BRD7: variants seen among roughly 807,000 people sequenced by gnomAD.
BRD7 encodes bromodomain-containing protein 7.
Under a neutral mutation model 82.1 loss-of-function variants are expected in BRD7, and 15 were observed. The observed-to-expected ratio is 0.18, with a 90% confidence interval of 0.12 to 0.28. BRD7 has a LOEUF of 0.28. Ranked by LOEUF, BRD7 falls within the 10% of genes least tolerant of loss-of-function variation. The pLI, the probability that BRD7 is intolerant of heterozygous loss-of-function variation, is 1.00. For missense variants in BRD7, 638 were observed against 779.9 expected (o/e 0.82, Z 2.17); for synonymous variants, 232 against 266.9 (o/e 0.87, Z 1.27).
intron 4 of BRD7, among the ~76,000 whole-genome samples, chr16:50,350,427 A>T (rs537908684): frequency 6.6e-6 from 1 of 152,324 alleles, no homozygotes; most frequent in East Asian, 1.9e-4. Context: ...AGCTACACTT[A>T]TACAGGAAAA....
At chr16:50,337,001 GACACA>G in intron 6 of BRD7, among the ~76,000 whole-genome samples, 1 of 152,094 alleles carries the variant, frequency 6.6e-6, no homozygotes. Flanking sequence ...CCATGTGCCA[GACACA>G]ACTCCATGAG....
At chr16:50,345,283 A>G (rs1306519543) in intron 5 of BRD7, among the ~76,000 whole-genome samples, 7 of 152,246 alleles carry the variant, frequency 4.6e-5, no homozygotes, top group Admixed American at 1.3e-4. Context: ...AAACGTGGAA[A>G]GGAATAACCA....
chr16:50,342,045 G>A (rs1371378245), intron 5 of BRD7, among the ~76,000 whole-genome samples: 1 of 151,456 alleles, frequency 6.6e-6, no homozygotes, highest in Non-Finnish European at 1.5e-5. Flanking sequence ...AAGTGGCAAC[G>A]TAGAAATTCT....
At chr16:50,352,701 GTTTT>G (rs34714781) in intron 4 of BRD7, among the ~76,000 whole-genome samples, 1 of 127,628 alleles carries the variant, frequency 7.8e-6, no homozygotes, top group African/African-American at 3.1e-5. Context: ...TGCCAGCTTT[GTTTT>G]TTTTTTTTTT....
At chr16:50,340,853 G>A (rs1368808732) in intron 5 of BRD7, among the ~76,000 whole-genome samples, 1 of 152,062 alleles carries the variant, frequency 6.6e-6, no homozygotes, top group African/African-American at 2.4e-5. Context: ...ATCTATAAAT[G>A]TGCGATTCAT....
intron 5 of BRD7, among the ~76,000 whole-genome samples, chr16:50,340,294 T>C (rs757653099): frequency 1.4e-4 from 21 of 152,212 alleles, no homozygotes; most frequent in Non-Finnish European, 2.1e-4. Flanking sequence ...GCTATATTAT[T>C]TCCCAAATTC....
intron 6 of BRD7, among the ~76,000 whole-genome samples, chr16:50,337,672 C>A (rs908202878): frequency 2.0e-5 from 3 of 152,100 alleles, no homozygotes; most frequent in Admixed American, 1.3e-4. Context: ...CATTCAAAAA[C>A]AGTTATCTTT....
chr16:50,361,029 T>C (rs2038916385), intron 2 of BRD7, among the ~76,000 whole-genome samples: 1 of 152,118 alleles, frequency 6.6e-6, no homozygotes, highest in South Asian at 2.1e-4. Context: ...GATTAGTCAC[T>C]GCTCCTCTCT....
intron 2 of BRD7, among the ~76,000 whole-genome samples, chr16:50,367,711 C>T (rs1237834365): frequency 6.6e-6 from 1 of 152,182 alleles, no homozygotes; most frequent in Non-Finnish European, 1.5e-5. Flanking sequence ...ATATTTATTT[C>T]AGAACAAACT....
intron 5 of BRD7, among the ~76,000 whole-genome samples, chr16:50,344,633 T>C (rs1007058463): frequency 6.6e-6 from 1 of 152,152 alleles, no homozygotes; most frequent in African/African-American, 2.4e-5. Context: ...CAAGTTTCAG[T>C]AGCCGATTTG....
At chr16:50,349,648 T>C (rs1567280276) in intron 5 of BRD7, 1 of 470,120 alleles carries the variant, frequency 2.1e-6, no homozygotes, top group Admixed American at 2.4e-5. Context: ...AAGAATGGAT[T>C]AATACAATAT....
chr16:50,368,491 T>C, intron 1 of BRD7, 193 bp from the exon 2 acceptor site: 2 of 758,190 alleles, frequency 2.6e-6, no homozygotes, highest in Non-Finnish European at 4.1e-6. Context: ...CTCCCAGGCC[T>C]CCCGGGCCCG....
chr16:50,357,685 C>T (rs7500958), intron 2 of BRD7, among the ~76,000 whole-genome samples: 28,941 of 152,118 alleles, frequency 0.19, 3,309 homozygotes, highest in Middle Eastern at 0.35. Flanking sequence ...ACTTTTTGGT[C>T]AACGACCAAA....
In BRD7 at chr16:50,333,686, T is replaced by A; in HGVS notation, c.899A>T (p.Asp300Val). Residue 300 changes from aspartate (D) to valine (V), a missense_variant, in exon 8 of 17, where the codon GAT becomes GTT. Physicochemically the swap from Asp to Val is radical, Grantham distance 152 (BLOSUM62 -3). Transcript: ENST00000394688. ...PSKENKKKDKDMLEDKFKSNN... is the reference protein window; with the variant it reads ...PSKENKKKDKVMLEDKFKSNN... ...GCTTTTAAACTTATCTTCAAGCATATCTTTGTCTTTCCTGAAAATATACAT... is the reference window on the plus strand; with the variant it reads ...GCTTTTAAACTTATCTTCAAGCATAACTTTGTCTTTCCTGAAAATATACAT... The A allele has an allele frequency of 1.9e-6, 3 of 1,579,602 alleles. No individual in the cohort carries two copies. Among genetic ancestry groups the A allele is most frequent in the Middle Eastern group, 2.1e-4 (1 of 4,846 alleles).
At chr16:50,324,358 C>A (rs2037244911) in intron 11 of BRD7, among the ~76,000 whole-genome samples, 1 of 152,192 alleles carries the variant, frequency 6.6e-6, no homozygotes, top group African/African-American at 2.4e-5. Context: ...TGCCTCTCTA[C>A]AGTCTATTCT....
At chr16:50,362,420 A>G (rs1369162811) in intron 2 of BRD7, among the ~76,000 whole-genome samples, 2 of 152,226 alleles carry the variant, frequency 1.3e-5, no homozygotes, top group Admixed American at 1.3e-4. Context: ...AAGAGGAGAT[A>G]GTATGATCCA....
chr16:50,358,108 T>A (rs562689011), intron 2 of BRD7, among the ~76,000 whole-genome samples: 1 of 152,234 alleles, frequency 6.6e-6, no homozygotes, highest in Non-Finnish European at 1.5e-5. Context: ...TGTGTTGTAG[T>A]ATGAAAACCA....
intron 2 of BRD7, among the ~76,000 whole-genome samples, chr16:50,364,659 CAG>C (rs1491408698): frequency 1.3e-5 from 2 of 152,134 alleles, no homozygotes; most frequent in East Asian, 1.9e-4. Context: ...GGCTGGAACA[CAG>C]GGGGGAGAAC....
At chr16:50,322,874 C>A (rs1456489781) in intron 12 of BRD7, among the ~76,000 whole-genome samples, 1 of 152,176 alleles carries the variant, frequency 6.6e-6, no homozygotes, top group African/African-American at 2.4e-5. Flanking sequence ...CAGCAGTCAT[C>A]GTTGGGCCTG....
Sources: allele counts gnomAD v4.1 joint callset (sites outside exome capture counted in the v4.1 genomes callset), GRCh38; gene constraint gnomAD v4.1.1; transcripts MANE v1.5; gene names NCBI Gene and HGNC (gene_info 2026-07-23, HGNC 2026-07-21).